Variants in SPIDR observed in about 807,000 individuals in gnomAD.
The protein encoded by SPIDR is scaffold protein involved in DNA repair.
Under a neutral mutation model 104.6 loss-of-function variants are expected in SPIDR, and 93 were observed. That is an observed-to-expected ratio of 0.89 (90% CI 0.75 to 1.06). The LOEUF is 1.06. Ranked by LOEUF, SPIDR falls within the 50% of genes least tolerant of loss-of-function variation. SPIDR has a pLI of 0.00. For synonymous variants in SPIDR, 431 were observed against 416.9 expected, an observed-to-expected ratio of 1.03 and a Z score of -0.41; for missense variants, 1,154 against 1,111.2, an observed-to-expected ratio of 1.04 and a Z score of -0.55.
At chr8:47,501,374 G>C (rs1448555804) in intron 8 of SPIDR, among the ~76,000 whole-genome samples, 2 of 152,024 alleles carry the variant, frequency 1.3e-5, no homozygotes, top group African/African-American at 2.4e-5. Context: ...TTGTAAGTTG[G>C]ATTCCTAGGT....
At chr8:47,513,709 G>A (rs1473041574) in intron 8 of SPIDR, among the ~76,000 whole-genome samples, 1 of 152,160 alleles carries the variant, frequency 6.6e-6, no homozygotes, top group East Asian at 1.9e-4. Flanking sequence ...ATTGGCTGAG[G>A]CAAGCAAAAT....
intron 10 of SPIDR, among the ~76,000 whole-genome samples, chr8:47,620,465 G>A (rs561501256): frequency 1.3e-5 from 2 of 151,612 alleles, no homozygotes; most frequent in African/African-American, 2.4e-5. Context: ...ACGGGTTTTC[G>A]CCATGTTGGC....
intron 11 of SPIDR, among the ~76,000 whole-genome samples, chr8:47,677,192 C>T (rs1315962078): frequency 1.3e-5 from 2 of 152,234 alleles, no homozygotes; most frequent in Non-Finnish European, 2.9e-5. Context: ...GACCTCTGTC[C>T]TCCCAAGTGG....
chr8:47,713,599 C>CTGGA lies in SPIDR; in HGVS notation c.2300_2303dup (p.Ser769GlyfsTer31). 6.2e-7 allele frequency: 1 copy of CTGGA among 1,614,186 alleles called. No homozygotes were observed. Among genetic ancestry groups the CTGGA allele is most frequent in the South Asian group, 1.1e-5 (1 of 91,078 alleles). On this transcript the variant is annotated frameshift_variant, in exon 16 of 20. Transcript: ENST00000297423. LOFTEE classifies it high-confidence loss of function. ...GCCTGGCCCGGTGATGCTCGACAGC[C>CTGGA]TGGACTCTGCAACACCTGTCAACTC... is the stretch of plus-strand genomic sequence containing the variant.
At chr8:47,657,684 A>G (rs1001326057) in intron 10 of SPIDR, among the ~76,000 whole-genome samples, 1 of 152,112 alleles carries the variant, frequency 6.6e-6, no homozygotes, top group Admixed American at 6.6e-5. Context: ...TCTCTGTGGT[A>G]TTTCTTAGGA....
At position 47,590,784 on chromosome 8, in the gene SPIDR, T is replaced by G. The variant is rs78462155; in HGVS notation, c.1098-5027T>G. ...TTCTAATTGTGGATTTGTCTATTCT[T>G]TGAGTTTTATCAGTTTTTGCTTCAT... On this transcript the variant is annotated intron_variant, in intron 8 of 19. Coordinates refer to ENST00000297423, the MANE Select transcript of SPIDR (RefSeq NM_001080394.4). Among the ~76,000 whole-genome samples the G allele has an allele frequency of 6.9e-4, 105 of 152,332 alleles. No homozygotes were observed. In the East Asian group the frequency reaches 0.02, roughly 29 times the overall value.
At chr8:47,546,954 G>T in intron 8 of SPIDR, 1 of 488,840 alleles carries the variant, frequency 2.0e-6, no homozygotes, top group Non-Finnish European at 4.0e-6. Flanking sequence ...TGTTCCATTG[G>T]CATCTTTCAC....
intron 7 of SPIDR, among the ~76,000 whole-genome samples, chr8:47,420,940 C>A (rs1278998615): frequency 2.0e-5 from 3 of 152,208 alleles, no homozygotes; most frequent in Admixed American, 2.0e-4. Context: ...TATTGGCCCC[C>A]ATTATCTTCT....
chr8:47,378,412 A>G (rs1334914198), intron 5 of SPIDR, among the ~76,000 whole-genome samples: 1 of 152,246 alleles, frequency 6.6e-6, no homozygotes, highest in African/African-American at 2.4e-5. Context: ...GGAAAAATAC[A>G]TAGGACAAAT....
chr8:47,282,248 T>C (rs1378447645), intron 2 of SPIDR, among the ~76,000 whole-genome samples: 1 of 152,248 alleles, frequency 6.6e-6, no homozygotes, highest in Non-Finnish European at 1.5e-5. Flanking sequence ...TGGCTTCAAC[T>C]TAATGTTACC....
At chr8:47,603,218 A>G (rs535515425) in intron 10 of SPIDR, among the ~76,000 whole-genome samples, 1 of 152,000 alleles carries the variant, frequency 6.6e-6, no homozygotes, top group South Asian at 2.1e-4. Flanking sequence ...AAACTGAGGC[A>G]AAGAGAGAAA....
intron 8 of SPIDR, among the ~76,000 whole-genome samples, chr8:47,564,730 A>G (rs557074548): frequency 6.6e-6 from 1 of 152,072 alleles, no homozygotes; most frequent in South Asian, 2.1e-4. Flanking sequence ...AATTTTCATC[A>G]TTCATTATTA....
At chr8:47,287,561 A>C (rs2039094244) in intron 3 of SPIDR, among the ~76,000 whole-genome samples, 3 of 152,108 alleles carry the variant, frequency 2.0e-5, no homozygotes. Flanking sequence ...CCAGGAATGC[A>C]TTCCTTCCCC....
intron 19 of SPIDR, among the ~76,000 whole-genome samples, chr8:47,735,077 A>T (rs554663044): frequency 6.6e-6 from 1 of 151,102 alleles, no homozygotes; most frequent in Admixed American, 6.6e-5. Flanking sequence ...TTCACTTGCT[A>T]AAATAAATGG....
rs376792747 is a variant in SPIDR, at chr8:47,734,239, C to T, written c.2605-1068C>T. Among the ~76,000 whole-genome samples, 12 of 152,162 alleles carry T rather than the reference C, an allele frequency of 7.9e-5. No homozygotes were observed. The South Asian group carries it at 1.9e-3, about 24-fold the overall frequency. ...CCTCACAGCATGTGTGTGGATCCCA[C>T]GGGCCAGCTGGAAGCTGGGCACCTT... is the stretch of plus-strand genomic sequence containing the variant. On this transcript the variant is annotated intron_variant, in intron 19 of 19. Coordinates refer to ENST00000297423, the MANE Select transcript of SPIDR (RefSeq NM_001080394.4).
intron 12 of SPIDR, among the ~76,000 whole-genome samples, chr8:47,701,262 G>A (rs150307486): frequency 4.6e-5 from 7 of 152,258 alleles, no homozygotes; most frequent in Non-Finnish European, 5.9e-5. Flanking sequence ...GAGAAACCCC[G>A]TCTCTACTAA....
chr8:47,308,213 C>T (rs188413744), intron 5 of SPIDR, among the ~76,000 whole-genome samples: 22 of 151,952 alleles, frequency 1.4e-4, no homozygotes, highest in East Asian at 7.8e-4. Flanking sequence ...AGGTGTGTGC[C>T]ACCATGCCCA....
At chr8:47,576,151 T>C (rs2059106222) in intron 8 of SPIDR, among the ~76,000 whole-genome samples, 1 of 150,918 alleles carries the variant, frequency 6.6e-6, no homozygotes. Context: ...TTTATTTTTA[T>C]TTTATTTATT....
chr8:47,659,744 C>A (rs2154462111), intron 10 of SPIDR: 1 of 984,248 alleles, frequency 1.0e-6, no homozygotes, highest in Non-Finnish European at 1.2e-6. Flanking sequence ...CTCTTCTTAT[C>A]ACTTCATCCT....
Sources: allele counts gnomAD v4.1 joint callset (sites outside exome capture counted in the v4.1 genomes callset), GRCh38; gene constraint gnomAD v4.1.1; transcripts MANE v1.5; gene names NCBI Gene and HGNC (gene_info 2026-07-23, HGNC 2026-07-21).